Variants in EWSR1 observed in about 807,000 individuals in gnomAD.
EWSR1 encodes the protein RNA-binding protein EWS.
In EWSR1, 14 loss-of-function variants were observed where a neutral mutation model predicts 92.1. That is an observed-to-expected ratio of 0.15 (90% CI 0.10 to 0.24). The LOEUF is 0.24. Among genes scored for constraint, EWSR1 ranks in the 10% least tolerant of loss-of-function variants. The probability of loss-of-function intolerance (pLI) is 1.00; values close to 1 mark genes in which losing one functional copy is unlikely to be tolerated. For synonymous variants in EWSR1, 303 were observed against 292.9 expected (o/e 1.03, Z -0.35); for missense variants, 637 against 870.9 (o/e 0.73, Z 3.38).
At chr22:29,284,197 T>G (rs1021756548) in intron 6 of EWSR1, among the ~76,000 whole-genome samples, 1 of 151,278 alleles carries the variant, frequency 6.6e-6, no homozygotes, top group African/African-American at 2.5e-5. Context: ...CTTGAACTCC[T>G]GGCCTCAAGT....
chr22:29,288,820 T>C, intron 8 of EWSR1, 34 bp downstream of exon 8: 1 of 1,522,230 alleles, frequency 6.6e-7, no homozygotes, highest in Non-Finnish European at 8.8e-7. Context: ...TTACCTAATT[T>C]TGTTTCATCC....
rs772207979 is a variant in EWSR1 at position 29,292,588 on chromosome 22, G to T, written c.1146G>T (p.Lys382Asn). The change falls in exon 11 of 17, where the codon AAG becomes AAT. Residue 382 changes from lysine (K) to asparagine (N), a missense_variant. This residue lies in a region of EWSR1 where 363 missense variants were observed against 447.8 expected (regional missense o/e 0.81). Transcript: ENST00000397938. ...VTLDDLADFF[K>N]QCGVVKMNKR... Reference sequence around the variant, plus strand: ...TAGATGATCTGGCAGACTTCTTTAAGCAGTGTGGGGTTGTTAAGGTCAGTA... The same window carrying T: ...TAGATGATCTGGCAGACTTCTTTAATCAGTGTGGGGTTGTTAAGGTCAGTA... The T allele has an allele frequency of 6.2e-7, 1 of 1,612,906 alleles. No individual in the cohort carries two copies.
At chr22:29,282,831 C>G (rs1015526683) in intron 6 of EWSR1, among the ~76,000 whole-genome samples, 3 of 150,800 alleles carry the variant, frequency 2.0e-5, no homozygotes, top group Non-Finnish European at 4.4e-5. Flanking sequence ...GGCGCGATCT[C>G]GGCTCACTGC....
intron 1 of EWSR1, among the ~76,000 whole-genome samples, chr22:29,270,176 T>G (rs1212140066): frequency 6.6e-6 from 1 of 152,228 alleles, no homozygotes; most frequent in Non-Finnish European, 1.5e-5. Context: ...CCATAGTGAC[T>G]GCTCTAAAGT....
chr22:29,298,446 G>A (rs376658707), intron 13 of EWSR1, among the ~76,000 whole-genome samples: 1 of 151,300 alleles, frequency 6.6e-6, no homozygotes, highest in African/African-American at 2.4e-5. Flanking sequence ...GGTGGAGGTT[G>A]CAGTGAGCAA....
At chr22:29,295,790 G>C (rs2060813434) in intron 11 of EWSR1, 2 of 227,118 alleles carry the variant, frequency 8.8e-6, no homozygotes, top group Admixed American at 1.1e-4. Flanking sequence ...AGGAAGTAGT[G>C]GCTGTGTTAG....
intron 1 of EWSR1, chr22:29,269,363 C>G (rs1481047220): frequency 6.6e-6 from 1 of 152,220 alleles, no homozygotes; most frequent in Non-Finnish European, 1.5e-5. Context: ...AAGCAAGCCC[C>G]GGTTGGGAAC....
chr22:29,295,817 T>G, intron 11 of EWSR1: 1 of 228,794 alleles, frequency 4.4e-6, no homozygotes, highest in Non-Finnish European at 8.7e-6. Flanking sequence ...CAAGAATCCC[T>G]GTAGTTCACT....
intron 8 of EWSR1, 113 bp from the exon 9 acceptor site, chr22:29,291,449 T>G: frequency 1.3e-5 from 12 of 931,326 alleles, no homozygotes; most frequent in Non-Finnish European, 2.0e-5. Flanking sequence ...GAGAGATGCA[T>G]TGTTTGGAGA....
chr22:29,276,207 G>A (rs559921950), intron 4 of EWSR1: 1 of 229,952 alleles, frequency 4.3e-6, no homozygotes, highest in Non-Finnish European at 8.6e-6. Flanking sequence ...GTATATGAAC[G>A]GTAGGGTAGA....
intron 5 of EWSR1, 137 bp from the exon 6 acceptor site, chr22:29,282,253 T>C: frequency 1.5e-6 from 1 of 663,222 alleles, no homozygotes; most frequent in Non-Finnish European, 2.5e-6. Flanking sequence ...GTATTTATTA[T>C]TGTATTTATT....
chr22:29,275,808 A>T (rs1033536697), intron 4 of EWSR1: 7 of 231,150 alleles, frequency 3.0e-5, no homozygotes, highest in Non-Finnish European at 6.0e-5. Context: ...AAAACTTCTT[A>T]ATTTTTACGT....
chr22:29,272,984 T>C (rs1250957029), intron 3 of EWSR1, among the ~76,000 whole-genome samples: 2 of 152,180 alleles, frequency 1.3e-5, no homozygotes, highest in Non-Finnish European at 2.9e-5. Flanking sequence ...ATCCATGCCA[T>C]AAAATGGATA....
chr22:29,295,486 C>T (rs2060784598), intron 11 of EWSR1: 1 of 209,680 alleles, frequency 4.8e-6, no homozygotes, highest in Non-Finnish European at 9.7e-6. Context: ...AATGCATTTC[C>T]ACATTATTCA....
intron 4 of EWSR1, chr22:29,276,900 C>T: frequency 4.3e-6 from 1 of 231,572 alleles, no homozygotes; most frequent in African/African-American, 2.2e-5. Context: ...AGTCCTCCCA[C>T]CTCAGCCTCC....
intron 1 of EWSR1, among the ~76,000 whole-genome samples, chr22:29,270,003 A>G (rs1429079419): frequency 6.6e-6 from 1 of 152,192 alleles, no homozygotes; most frequent in East Asian, 1.9e-4. Context: ...CACATAAGTA[A>G]TCTGGTCCTT....
rs2059536581 is a variant in EWSR1, at chr22:29,280,881, T to TGG, written c.414-1509_414-1508insGG. Among the ~76,000 whole-genome samples the TGG allele has an allele frequency of 3.0e-5, 3 of 99,334 alleles. 1 individual carries two copies. The highest frequency in any genetic ancestry group is 6.3e-5 in the African/African-American group (2 of 31,560). The allele number at this position is 99,334 out of a possible 152,430, so 65.2% of individuals were successfully genotyped here. The stretch of plus-strand genomic sequence containing the variant: ...TGTGTTGTTTTTTTTTTTTTTTTTT[T>TGG]TTTTTTTTTTTTTTTTTTGACAGAG... On this transcript the variant is annotated intron_variant, in intron 5 of 16. Transcript: ENST00000397938.
At chr22:29,290,202 G>T in intron 8 of EWSR1, 1 of 474,010 alleles carries the variant, frequency 2.1e-6, no homozygotes. Flanking sequence ...AGACTGTGAA[G>T]CAGTCTGTCG....
In EWSR1 at chr22:29,288,703, T is replaced by C. The variant is rs1405367247; in HGVS notation, c.891T>C (p.Pro297=). The change falls in exon 8 of 17, where the codon CCT becomes CCC. Residue 297 remains proline (P), a synonymous_variant. Coordinates refer to ENST00000397938, the MANE Select transcript of EWSR1 (RefSeq NM_005243.4). ...GAGAGAACCGGAGCATGAGTGGCCC[T>C]GATAACCGGGGCAGGGGAAGAGGGG... ...GPGENRSMSG[P]DNRGRGRGGF... The C allele has an allele frequency of 1.2e-6, 2 of 1,613,840 alleles. No homozygotes were observed. The highest frequency in any genetic ancestry group is 3.3e-5 in the Admixed American group (2 of 59,992).
Sources: gnomAD v4.1 joint callset for allele counts (sites outside exome capture counted in the v4.1 genomes callset) on GRCh38, gnomAD v4.1.1 for gene constraint, gnomAD v4.1.1 regional missense constraint, MANE v1.5 for transcripts, NCBI Gene and HGNC (gene_info 2026-07-23, HGNC 2026-07-21) for gene names.